Variants in PPARGC1A observed in about 807,000 individuals in gnomAD.
PPARGC1A encodes peroxisome proliferator-activated receptor gamma coactivator 1-alpha.
A neutral mutation model predicts 88.7 loss-of-function variants in PPARGC1A; 25 were observed. The observed-to-expected ratio is 0.28, with a 90% CI of 0.21 to 0.39. The LOEUF is 0.39. Ranked by LOEUF, PPARGC1A falls within the 10% of genes least tolerant of loss-of-function variation. PPARGC1A has a pLI of 1.00. For synonymous variants in PPARGC1A, 363 were observed against 355.6 expected (o/e 1.02, Z -0.24); for missense variants, 880 against 968.7 (o/e 0.91, Z 1.22).
chr4:24,164,113 A>C, the PPARGC1A span, among the ~76,000 whole-genome samples: 1 of 152,310 alleles, frequency 6.6e-6, no homozygotes, highest in African/African-American at 2.4e-5. Context: ...TCTTCCTTGC[A>C]TGCTTATTTT....
the PPARGC1A span, among the ~76,000 whole-genome samples, chr4:24,146,139 T>C: frequency 6.6e-6 from 1 of 152,340 alleles, no homozygotes; most frequent in African/African-American, 2.4e-5. Flanking sequence ...AGACACATTG[T>C]GTCAGGTTTT....
chr4:24,366,445 C>T, the PPARGC1A span, among the ~76,000 whole-genome samples: 1 of 152,172 alleles, frequency 6.6e-6, no homozygotes, highest in Non-Finnish European at 1.5e-5. Context: ...TTTGACTCAA[C>T]TACCAGTGAT....
At chr4:24,139,654 C>A in the PPARGC1A span, among the ~76,000 whole-genome samples, 1 of 152,150 alleles carries the variant, frequency 6.6e-6, no homozygotes, top group Non-Finnish European at 1.5e-5. Context: ...CCTCCTGGCT[C>A]TGAGGACACC....
At chr4:24,218,253 C>A in the PPARGC1A span, among the ~76,000 whole-genome samples, 2 of 152,198 alleles carry the variant, frequency 1.3e-5, no homozygotes, top group African/African-American at 4.8e-5. Flanking sequence ...ATGACATACA[C>A]TATCTGCTCT....
chr4:24,241,565 TG>T, the PPARGC1A span, among the ~76,000 whole-genome samples: 1 of 152,374 alleles, frequency 6.6e-6, no homozygotes, highest in Admixed American at 6.5e-5. Context: ...GCTCTTAATG[TG>T]GGGGTTTTCC....
the PPARGC1A span, among the ~76,000 whole-genome samples, chr4:24,208,430 G>A: frequency 6.6e-6 from 1 of 152,098 alleles, no homozygotes; most frequent in East Asian, 1.9e-4. Flanking sequence ...AAAGTGGACA[G>A]GAGAACTTCT....
At chr4:24,117,946 T>C in the PPARGC1A span, among the ~76,000 whole-genome samples, 2 of 152,086 alleles carry the variant, frequency 1.3e-5, no homozygotes, top group Non-Finnish European at 2.9e-5. Flanking sequence ...CACAGCACAA[T>C]TTCTTTTTAT....
At position 23,884,908 on chromosome 4, in the gene PPARGC1A, G is replaced by A. The variant is rs745710309; in HGVS notation, c.78C>T (p.Asp26=). The A allele has an allele frequency of 1.2e-6, 2 of 1,613,376 alleles. No homozygotes were observed. The highest frequency in any genetic ancestry group is 1.7e-6 in the Non-Finnish European group (2 of 1,179,638). ...DIECAALVGE[D]QPLCPDLPEL... ...CAGGAAGATCTGGGCAAAGAGGCTG[G>A]TCTTCACCAACCAGAGCAGCACACT... Residue 26 remains aspartate (D), a synonymous_variant, in exon 2 of 13, where the codon GAC becomes GAT. Coordinates refer to ENST00000264867, the MANE Select transcript of PPARGC1A (RefSeq NM_013261.5).
chr4:24,179,105 T>C, the PPARGC1A span, among the ~76,000 whole-genome samples: 1 of 152,144 alleles, frequency 6.6e-6, no homozygotes. Context: ...TAAGTTCTGT[T>C]CTGTAGAGTA....
chr4:23,930,217 A>G, the PPARGC1A span, among the ~76,000 whole-genome samples: 1 of 152,248 alleles, frequency 6.6e-6, no homozygotes, highest in Non-Finnish European at 1.5e-5. Flanking sequence ...GGCTTCAAGC[A>G]GGACAAAATC....
chr4:24,300,287 TCCTCCTTTAAGCAATG>T, the PPARGC1A span, among the ~76,000 whole-genome samples: 2 of 150,154 alleles, frequency 1.3e-5, no homozygotes, highest in Admixed American at 6.6e-5. Context: ...GGGTTTTTTT[TCCTCCTTTAAGCAATG>T]GTATTTTTCT....
the PPARGC1A span, among the ~76,000 whole-genome samples, chr4:24,452,352 T>C: frequency 6.6e-6 from 1 of 152,102 alleles, no homozygotes; most frequent in South Asian, 2.1e-4. Context: ...TCTAACATTG[T>C]TGTCATTTCC....
chr4:24,290,458 G>T, the PPARGC1A span, among the ~76,000 whole-genome samples: 28 of 152,218 alleles, frequency 1.8e-4, no homozygotes, highest in East Asian at 5.4e-3. Flanking sequence ...GCCTCTCTGA[G>T]CCTCCATTTC....
the PPARGC1A span, among the ~76,000 whole-genome samples, chr4:24,318,737 G>A: frequency 6.6e-6 from 1 of 152,136 alleles, no homozygotes; most frequent in Admixed American, 6.5e-5. Context: ...AAATTGAATG[G>A]CAAATACTGA....
At chr4:24,366,264 C>A in the PPARGC1A span, among the ~76,000 whole-genome samples, 5 of 152,098 alleles carry the variant, frequency 3.3e-5, no homozygotes, top group African/African-American at 1.2e-4. Context: ...AGAGAGTTAT[C>A]GTTTATGTAG....
At chr4:24,291,976 A>T in the PPARGC1A span, among the ~76,000 whole-genome samples, 2 of 152,062 alleles carry the variant, frequency 1.3e-5, no homozygotes, top group Non-Finnish European at 2.9e-5. Context: ...TTATCATTTT[A>T]GATGTTGAGC....
At chr4:23,881,105 C>T (rs1715839842) in intron 2 of PPARGC1A, 1 of 152,158 alleles carries the variant, frequency 6.6e-6, no homozygotes, top group Non-Finnish European at 1.5e-5. Flanking sequence ...CAAAAGTAGT[C>T]CTTTATTCTC....
At chr4:24,261,856 T>G in the PPARGC1A span, among the ~76,000 whole-genome samples, 1 of 152,168 alleles carries the variant, frequency 6.6e-6, no homozygotes, top group Non-Finnish European at 1.5e-5. Flanking sequence ...GTGTATCCCT[T>G]TTTAAAGCTT....
At chr4:23,947,384 TATATATATATATAAAA>T in the PPARGC1A span, among the ~76,000 whole-genome samples, 1,107 of 12,112 alleles carry the variant, frequency 0.091, 58 homozygotes, top group South Asian at 0.23. Flanking sequence ...TATATATATA[TATATATATATATAAAA>T]AAAACGGTGA....
Sources: allele counts gnomAD v4.1 joint callset (sites outside exome capture counted in the v4.1 genomes callset), GRCh38; gene constraint gnomAD v4.1.1; transcripts MANE v1.5; gene names NCBI Gene and HGNC (gene_info 2026-07-23, HGNC 2026-07-21).